Variants in ZDHHC14 observed in about 807,000 individuals in gnomAD.
ZDHHC14 encodes the protein zDHHC palmitoyltransferase 14.
In ZDHHC14, 16 loss-of-function variants were observed where a neutral mutation model predicts 47.7. That is an observed-to-expected ratio of 0.34 (90% CI 0.23 to 0.51). The LOEUF is 0.51. Among genes scored for constraint, ZDHHC14 ranks in the 20% least tolerant of loss-of-function variants. The probability of loss-of-function intolerance (pLI) is 0.97; values close to 1 mark genes in which losing one functional copy is unlikely to be tolerated. For synonymous variants in ZDHHC14, 293 were observed against 278.9 expected (o/e 1.05, Z -0.50); for missense variants, 515 against 662.5 (o/e 0.78, Z 2.44).
At chr6:157,662,212 C>T (rs970099346) in intron 8 of ZDHHC14, among the ~76,000 whole-genome samples, 2 of 152,142 alleles carry the variant, frequency 1.3e-5, no homozygotes, top group African/African-American at 2.4e-5. Flanking sequence ...GACAGAGTCT[C>T]ACTCTGTCGC....
chr6:157,442,736 G>A (rs545002959), intron 1 of ZDHHC14, among the ~76,000 whole-genome samples: 1 of 152,314 alleles, frequency 6.6e-6, no homozygotes, highest in Non-Finnish European at 1.5e-5. Context: ...CCCAGCAGAC[G>A]CCTCCTGAAG....
At chr6:157,422,733 A>G (rs1455900455) in intron 1 of ZDHHC14, among the ~76,000 whole-genome samples, 2 of 152,218 alleles carry the variant, frequency 1.3e-5, no homozygotes, top group African/African-American at 4.8e-5. Context: ...GAGGAGGAAG[A>G]GATAGTACAG....
At chr6:157,512,578 C>T (rs1251244943) in intron 1 of ZDHHC14, among the ~76,000 whole-genome samples, 1 of 152,118 alleles carries the variant, frequency 6.6e-6, no homozygotes, top group Non-Finnish European at 1.5e-5. Flanking sequence ...TGCAGTGGCT[C>T]ACATCTGCAG....
At chr6:157,639,748 C>T (rs952148197) in intron 5 of ZDHHC14, among the ~76,000 whole-genome samples, 4 of 151,778 alleles carry the variant, frequency 2.6e-5, no homozygotes, top group Non-Finnish European at 4.4e-5. Context: ...GGGGTGAGGG[C>T]GGAGGAGTAG....
intron 1 of ZDHHC14, among the ~76,000 whole-genome samples, chr6:157,384,163 G>A (rs1054212560): frequency 2.0e-5 from 3 of 152,170 alleles, no homozygotes; most frequent in East Asian, 1.9e-4. Context: ...GAGAAAATGG[G>A]TTAATTTTGT....
intron 1 of ZDHHC14, among the ~76,000 whole-genome samples, chr6:157,434,715 C>T (rs903939375): frequency 6.6e-6 from 1 of 152,138 alleles, no homozygotes; most frequent in Non-Finnish European, 1.5e-5. Flanking sequence ...TGAAGATGAG[C>T]ACCCAGAGAG....
intron 1 of ZDHHC14, among the ~76,000 whole-genome samples, chr6:157,428,019 A>G (rs1778258213): frequency 6.6e-6 from 1 of 152,114 alleles, no homozygotes; most frequent in South Asian, 2.1e-4. Flanking sequence ...AGGGATCGTG[A>G]ATAGAGGAAT....
intron 3 of ZDHHC14, among the ~76,000 whole-genome samples, chr6:157,600,454 C>G (rs1184402460): frequency 6.6e-6 from 1 of 152,192 alleles, no homozygotes; most frequent in Admixed American, 6.5e-5. Context: ...CAGTCTTGCT[C>G]TGTCACCCAG....
At chr6:157,592,896 C>G in intron 2 of ZDHHC14, 92 bp from the exon 3 acceptor site, 9 of 1,500,930 alleles carry the variant, frequency 6.0e-6, no homozygotes, top group Non-Finnish European at 8.0e-6. Flanking sequence ...GCTGTGCCTG[C>G]TGCCCTGGAG....
intron 1 of ZDHHC14, among the ~76,000 whole-genome samples, chr6:157,402,875 C>T (rs1777672533): frequency 6.6e-6 from 1 of 152,134 alleles, no homozygotes; most frequent in Non-Finnish European, 1.5e-5. Context: ...TACAGGTGTG[C>T]ACCAGCACAC....
intron 1 of ZDHHC14, among the ~76,000 whole-genome samples, chr6:157,432,373 T>C (rs1354523909): frequency 1.3e-5 from 2 of 152,166 alleles, no homozygotes; most frequent in Admixed American, 1.3e-4. Context: ...AAAATAGCAG[T>C]GCAGTCGGAG....
intron 8 of ZDHHC14, 133 bp downstream of exon 8, chr6:157,653,760 A>G: frequency 1.3e-6 from 1 of 769,416 alleles, no homozygotes; most frequent in Non-Finnish European, 2.1e-6. Flanking sequence ...CCCCATGACT[A>G]CTGCGCTCAG....
intron 1 of ZDHHC14, among the ~76,000 whole-genome samples, chr6:157,484,293 GTA>G (rs113082888): frequency 0.72 from 100,024 of 138,868 alleles, 36,066 homozygotes; most frequent in East Asian, 0.89. Flanking sequence ...ATATATATGT[GTA>G]TATATATATA....
At chr6:157,663,351 T>C (rs1778422848) in intron 8 of ZDHHC14, among the ~76,000 whole-genome samples, 1 of 152,194 alleles carries the variant, frequency 6.6e-6, no homozygotes, top group African/African-American at 2.4e-5. Context: ...GCAGAGCTCC[T>C]AGTGGACAGG....
intron 1 of ZDHHC14, among the ~76,000 whole-genome samples, chr6:157,526,330 G>C (rs1781149305): frequency 6.6e-6 from 1 of 152,158 alleles, no homozygotes; most frequent in African/African-American, 2.4e-5. Flanking sequence ...ACTTTCCCAG[G>C]CTTCTGGAGT....
At chr6:157,550,284 G>A (rs1782168266) in intron 2 of ZDHHC14, among the ~76,000 whole-genome samples, 1 of 151,026 alleles carries the variant, frequency 6.6e-6, no homozygotes, top group Non-Finnish European at 1.5e-5. Flanking sequence ...AGCATCACAA[G>A]ACACGCTAGA....
chr6:157,458,619 G>A (rs1701482496), intron 1 of ZDHHC14, among the ~76,000 whole-genome samples: 1 of 152,096 alleles, frequency 6.6e-6, no homozygotes, highest in Non-Finnish European at 1.5e-5. Context: ...TGGGGCAGGT[G>A]GGGGCTGTGG....
At chr6:157,615,411 CT>C (rs1449999784) in intron 3 of ZDHHC14, among the ~76,000 whole-genome samples, 1 of 152,240 alleles carries the variant, frequency 6.6e-6, no homozygotes. Context: ...GTAAGCGCCC[CT>C]GTTCTCGTAA....
chr6:157,413,682 T>A (rs1777915366), intron 1 of ZDHHC14, among the ~76,000 whole-genome samples: 1 of 152,030 alleles, frequency 6.6e-6, no homozygotes, highest in Non-Finnish European at 1.5e-5. Flanking sequence ...CACTGCATTT[T>A]CTAAAATGTC....
Sources: gnomAD v4.1 joint callset for allele counts (sites outside exome capture counted in the v4.1 genomes callset) on GRCh38, gnomAD v4.1.1 for gene constraint, MANE v1.5 for transcripts, NCBI Gene and HGNC (gene_info 2026-07-23, HGNC 2026-07-21) for gene names.